GABRG3: variants seen among roughly 807,000 people sequenced by gnomAD.
GABRG3 encodes the protein gamma-aminobutyric acid type A receptor subunit gamma3.
In GABRG3, 25 loss-of-function variants were observed where a neutral mutation model predicts 48.8. The observed-to-expected ratio is 0.51, with a 90% CI of 0.37 to 0.72. GABRG3 has a LOEUF of 0.72. GABRG3 is among the 30% of genes least tolerant of loss of function. GABRG3 has a pLI of 0.00. For missense variants in GABRG3, 394 were observed against 577.9 expected, an observed-to-expected ratio of 0.68 and a Z score of 3.26; for synonymous variants, 227 against 217.6, an observed-to-expected ratio of 1.04 and a Z score of -0.38.
chr15:27,456,848 C>T (rs910535544), intron 5 of GABRG3, among the ~76,000 whole-genome samples: 5 of 152,308 alleles, frequency 3.3e-5, no homozygotes, highest in Admixed American at 6.5e-5. Context: ...AGCCCAAAGT[C>T]CTCAGAGGGG....
chr15:27,299,309 C>A (rs1035596556), intron 3 of GABRG3, among the ~76,000 whole-genome samples: 6 of 151,702 alleles, frequency 4.0e-5, no homozygotes, highest in Non-Finnish European at 7.4e-5. Flanking sequence ...CAAAAACAAA[C>A]AAAAAAACAC....
chr15:27,377,133 T>C (rs959119629), intron 5 of GABRG3, among the ~76,000 whole-genome samples: 104 of 152,322 alleles, frequency 6.8e-4, no homozygotes, highest in African/African-American at 2.4e-3. Flanking sequence ...ACAGGAGTTA[T>C]GTTTGCTCCA....
At chr15:27,229,452 T>TG (rs1889728463) in intron 3 of GABRG3, among the ~76,000 whole-genome samples, 4 of 143,200 alleles carry the variant, frequency 2.8e-5, no homozygotes, top group South Asian at 2.2e-4. Context: ...GCCTAGGTTT[T>TG]TTGTGTGTGT....
chr15:27,271,947 G>C (rs1283248763), intron 3 of GABRG3, among the ~76,000 whole-genome samples: 1 of 152,214 alleles, frequency 6.6e-6, no homozygotes, highest in Non-Finnish European at 1.5e-5. Flanking sequence ...TAGTTAACCA[G>C]TTTCCCCAGA....
intron 6 of GABRG3, among the ~76,000 whole-genome samples, chr15:27,505,628 A>T (rs918276570): frequency 6.6e-6 from 1 of 152,042 alleles, no homozygotes. Context: ...CCAGCCTTGT[A>T]TTCCTGTCAT....
intron 3 of GABRG3, among the ~76,000 whole-genome samples, chr15:27,044,737 C>T (rs4887548): frequency 0.083 from 12,609 of 152,226 alleles, 642 homozygotes; most frequent in East Asian, 0.14. Context: ...TGTTAATGGA[C>T]AGAGAAAAGG....
chr15:27,305,495 T>TATATATAAAC (rs558328153), intron 3 of GABRG3, among the ~76,000 whole-genome samples: 1 of 147,316 alleles, frequency 6.8e-6, no homozygotes, highest in African/African-American at 2.5e-5. Flanking sequence ...GTTTTTTATA[T>TATATATAAAC]ATATATAAAC....
At chr15:27,295,974 G>A (rs1356714063) in intron 3 of GABRG3, among the ~76,000 whole-genome samples, 1 of 152,106 alleles carries the variant, frequency 6.6e-6, no homozygotes, top group African/African-American at 2.4e-5. Context: ...TGCCTTTCCT[G>A]GTGTGGAACC....
rs577251285 is a variant in GABRG3 at position 27,448,524 on chromosome 15, T to C, written c.575-32126T>C. On this transcript the variant is annotated intron_variant, in intron 5 of 9. Transcript: ENST00000615808. ...GCACTGGGATGTGATGATACTATAT[T>C]CTGTTTTAAAGAAACTTGATTCAAA... 1.7e-4 allele frequency among the ~76,000 whole-genome samples: 26 copies of C among 152,360 alleles called. No individual in the cohort carries two copies. In the East Asian group the frequency reaches 3.7e-3, roughly 21 times the overall value.
At chr15:27,157,772 A>G (rs1702255597) in intron 3 of GABRG3, 1 of 152,262 alleles carries the variant, frequency 6.6e-6, no homozygotes, top group African/African-American at 2.4e-5. Context: ...GTAGTGAGAC[A>G]TCACAACAGA....
rs184665383 is a variant in GABRG3 at position 27,476,610 on chromosome 15, A to G, written c.575-4040A>G. Among the ~76,000 whole-genome samples the G allele has an allele frequency of 1.5e-3, 222 of 152,304 alleles. 1 individual carries two copies. The highest frequency in any genetic ancestry group is 1.5e-3 in the Non-Finnish European group (100 of 68,016). ...AATCAGCAAACTTGAACATAGACCAATGGAGATTATCCAGTGAGTGGAACA... is the reference window on the plus strand; with the variant it reads ...AATCAGCAAACTTGAACATAGACCAGTGGAGATTATCCAGTGAGTGGAACA... On this transcript the variant is annotated intron_variant, in intron 5 of 9. Transcript: ENST00000615808.
At chr15:27,527,656 G>T in intron 8 of GABRG3, 27 bp downstream of exon 8, 1 of 1,570,186 alleles carries the variant, frequency 6.4e-7, no homozygotes, top group Non-Finnish European at 8.7e-7. Context: ...AAGGTTCTCC[G>T]GGAGGTAATG....
At chr15:26,989,796 C>A (rs1001581709) in intron 2 of GABRG3, among the ~76,000 whole-genome samples, 1 of 152,086 alleles carries the variant, frequency 6.6e-6, no homozygotes, top group African/African-American at 2.4e-5. Context: ...CCCTTCCCAG[C>A]CTCTGATAAC....
rs531024086 is a variant in GABRG3 at position 27,266,439 on chromosome 15, T to G, written c.271-60370T>G. On this transcript the variant is annotated intron_variant, in intron 3 of 9. Transcript: ENST00000615808. ...GTCTTTATCACACTGTCTGGATTAC[T>G]GTAGCTTTCTAATAAACCTTGAAAT... Among the ~76,000 whole-genome samples the G allele has an allele frequency of 3.9e-5, 6 of 152,356 alleles. No individual in the cohort carries two copies. In the East Asian group the frequency reaches 1.2e-3, roughly 29 times the overall value.
chr15:27,498,638 A>G (rs909357303), intron 6 of GABRG3, among the ~76,000 whole-genome samples: 4 of 152,016 alleles, frequency 2.6e-5, no homozygotes. Flanking sequence ...CTACAGGTGC[A>G]CGCCACCATG....
chr15:27,334,463 G>C (rs1297032465), intron 5 of GABRG3, among the ~76,000 whole-genome samples: 1 of 152,152 alleles, frequency 6.6e-6, no homozygotes, highest in Non-Finnish European at 1.5e-5. Context: ...CCAAAGTTGA[G>C]ATGCCATTCC....
At chr15:27,046,514 A>G (rs72625131) in intron 3 of GABRG3, among the ~76,000 whole-genome samples, 37,806 of 152,044 alleles carry the variant, frequency 0.25, 6,571 homozygotes, top group East Asian at 0.5. Flanking sequence ...TGTGCTGATC[A>G]CTGTGTGGTC....
At position 27,462,448 on chromosome 15, in the gene GABRG3, A is replaced by G. The variant is rs1371285842; in HGVS notation, c.575-18202A>G. On this transcript the variant is annotated intron_variant, in intron 5 of 9. Transcript: ENST00000615808. ...CCAGCAGATTGGATAGAGAAAAGTA[A>G]AACAGAAATGTCTAAAATATGAAAG... Among the ~76,000 whole-genome samples the G allele has an allele frequency of 3.3e-5, 5 of 152,222 alleles. No homozygotes were observed. In the East Asian group the frequency reaches 7.7e-4, roughly 23 times the overall value.
At chr15:26,984,231 C>A (rs1472219803) in intron 2 of GABRG3, among the ~76,000 whole-genome samples, 1 of 150,928 alleles carries the variant, frequency 6.6e-6, no homozygotes, top group African/African-American at 2.4e-5. Flanking sequence ...CTTTTTTTTT[C>A]CCTCTAGGGC....
Sources: allele counts gnomAD v4.1 joint callset (sites outside exome capture counted in the v4.1 genomes callset), GRCh38; gene constraint gnomAD v4.1.1; transcripts MANE v1.5; gene names NCBI Gene and HGNC (gene_info 2026-07-23, HGNC 2026-07-21).